The following APOLD1 variants were observed in gnomAD, a reference collection of about 807,000 sequenced individuals.
APOLD1 encodes the protein apolipoprotein L domain-containing protein 1.
A neutral mutation model predicts 15.3 loss-of-function variants in APOLD1; 22 were observed. The ratio of observed to expected loss-of-function variants is 1.44; its 90% CI spans 1.03 to 2.05. The LOEUF (loss-of-function observed/expected upper bound fraction) is 2.05. Ranked by LOEUF, APOLD1 falls within the 30% of genes most tolerant of loss-of-function variation. The pLI, the probability that APOLD1 is intolerant of heterozygous loss-of-function variation, is 0.00. For synonymous variants in APOLD1, 190 were observed against 167.4 expected, an observed-to-expected ratio of 1.13 and a Z score of -1.04; for missense variants, 394 against 353.5, an observed-to-expected ratio of 1.11 and a Z score of -0.92.
intron 1 of APOLD1, among the ~76,000 whole-genome samples, chr12:12,761,830 T>TAGAGAG (rs6144616): frequency 0.074 from 8,435 of 114,544 alleles, 466 homozygotes; most frequent in African/African-American, 0.1. Context: ...TGTATATGTA[T>TAGAGAG]AGAGAGAGAG....
intron 1 of APOLD1, among the ~76,000 whole-genome samples, chr12:12,775,865 G>T (rs1041415398): frequency 6.6e-6 from 1 of 151,856 alleles, no homozygotes; most frequent in African/African-American, 2.4e-5. Context: ...TTAGCTGGGT[G>T]TGGGGGTGTG....
chr12:12,761,874 C>T (rs559608129), intron 1 of APOLD1, among the ~76,000 whole-genome samples: 1 of 72,598 alleles, frequency 1.4e-5, no homozygotes, highest in South Asian at 4.2e-4. Context: ...CTTGCTCTGT[C>T]ACCCAGGCCT....
intron 1 of APOLD1, among the ~76,000 whole-genome samples, chr12:12,760,311 G>A (rs1266454921): frequency 6.9e-6 from 1 of 144,704 alleles, no homozygotes; most frequent in Non-Finnish European, 1.5e-5. Context: ...GGGTGACACA[G>A]TGAGACCCGG....
intron 1 of APOLD1, among the ~76,000 whole-genome samples, chr12:12,743,689 T>C (rs1354808991): frequency 6.6e-6 from 1 of 152,194 alleles, no homozygotes; most frequent in African/African-American, 2.4e-5. Context: ...GCAAATGGAA[T>C]TGTTTGCTGA....
chr12:12,774,301 T>G (rs985247369), intron 1 of APOLD1, among the ~76,000 whole-genome samples: 1 of 151,760 alleles, frequency 6.6e-6, no homozygotes, highest in African/African-American at 2.4e-5. Flanking sequence ...TCCTAGCACT[T>G]TGGGAGGCCG....
Position 12,785,683 on chromosome 12 carries a change from C to T in APOLD1, c.-9C>T. On this transcript the variant is annotated 5_prime_UTR_variant, in exon 1 of 2. Transcript: ENST00000356591. Reference sequence around the variant, plus strand: ...CAGATTTTACTTTCCTGGAGGCAGACAGAAGTGAATGGTAAGTGGGGAACC... The same window carrying T: ...CAGATTTTACTTTCCTGGAGGCAGATAGAAGTGAATGGTAAGTGGGGAACC... 3 of 1,614,092 alleles carry T rather than the reference C, an allele frequency of 1.9e-6. No individual in the cohort carries two copies. In the East Asian group the frequency reaches 6.7e-5, roughly 36 times the overall value.
At chr12:12,743,798 G>C (rs879298087) in intron 1 of APOLD1, among the ~76,000 whole-genome samples, 68 of 152,222 alleles carry the variant, frequency 4.5e-4, no homozygotes, top group Non-Finnish European at 9.3e-4. Flanking sequence ...GCAGAAGAGG[G>C]ATTCAGAGTG....
intron 1 of APOLD1, 62 bp downstream of exon 1, chr12:12,785,756 T>A: frequency 1.3e-6 from 2 of 1,495,732 alleles, no homozygotes; most frequent in Non-Finnish European, 1.9e-6. Context: ...TCTTTTCACC[T>A]GGAAAATTAT....
upstream of APOLD1, among the ~76,000 whole-genome samples, chr12:12,781,922 C>T (rs1272544361): frequency 6.6e-6 from 1 of 152,036 alleles, no homozygotes; most frequent in Non-Finnish European, 1.5e-5. Context: ...GTCCTTTCCG[C>T]TAGACTTACT....
At chr12:12,730,327 T>C (rs1157983339) in intron 1 of APOLD1, among the ~76,000 whole-genome samples, 1 of 152,180 alleles carries the variant, frequency 6.6e-6, no homozygotes, top group Admixed American at 6.5e-5. Flanking sequence ...TCTGGAATCC[T>C]ACTGCCTGGG....
intron 1 of APOLD1, among the ~76,000 whole-genome samples, chr12:12,742,622 G>A (rs1385374234): frequency 6.6e-6 from 1 of 152,182 alleles, no homozygotes; most frequent in African/African-American, 2.4e-5. Flanking sequence ...AAAATTAGCT[G>A]GGTGTGGTGG....
At chr12:12,751,939 GT>G (rs546794285) in intron 1 of APOLD1, among the ~76,000 whole-genome samples, 11 of 152,160 alleles carry the variant, frequency 7.2e-5, no homozygotes, top group Non-Finnish European at 1.6e-4. Flanking sequence ...GGAAGAAGCC[GT>G]AAGTCAAGGA....
At chr12:12,746,560 G>A (rs887461272) in intron 1 of APOLD1, among the ~76,000 whole-genome samples, 1 of 150,008 alleles carries the variant, frequency 6.7e-6, no homozygotes, top group Non-Finnish European at 1.5e-5. Flanking sequence ...GTGAACATGT[G>A]CATGACTACG....
intron 1 of APOLD1, among the ~76,000 whole-genome samples, chr12:12,764,160 G>A (rs777992607): frequency 7.2e-5 from 11 of 151,998 alleles, no homozygotes; most frequent in Non-Finnish European, 1.6e-4. Flanking sequence ...ACAGGGTTTC[G>A]CCATGTTGGG....
intron 1 of APOLD1, among the ~76,000 whole-genome samples, chr12:12,750,394 A>AAAAAT (rs71064320): frequency 1.4e-5 from 2 of 147,984 alleles, no homozygotes; most frequent in Non-Finnish European, 3.0e-5. Context: ...AAAAAAAAAA[A>AAAAAT]GGAAATTGGG....
chr12:12,727,802 G>C (rs190894895), intron 1 of APOLD1, among the ~76,000 whole-genome samples: 24 of 143,172 alleles, frequency 1.7e-4, no homozygotes, highest in African/African-American at 6.0e-4. Context: ...GTCTTGCTGC[G>C]TTGCCCAGGC....
chr12:12,757,507 T>C (rs917461824), intron 1 of APOLD1, among the ~76,000 whole-genome samples: 3 of 152,166 alleles, frequency 2.0e-5, no homozygotes, highest in African/African-American at 7.2e-5. Flanking sequence ...CACAGATTCA[T>C]AAAACTATGA....
chr12:12,729,365 C>A (rs539077941), intron 1 of APOLD1, among the ~76,000 whole-genome samples: 2 of 149,962 alleles, frequency 1.3e-5, no homozygotes, highest in African/African-American at 4.9e-5. Flanking sequence ...TTAAAAAAAT[C>A]TCAGAGTTGG....
chr12:12,740,679 G>T (rs1431375974), intron 1 of APOLD1, among the ~76,000 whole-genome samples: 2 of 152,130 alleles, frequency 1.3e-5, no homozygotes, highest in Non-Finnish European at 2.9e-5. Flanking sequence ...AAATTTCAAG[G>T]TCCCTCCAGG....
Sources: gnomAD v4.1 joint callset for allele counts (sites outside exome capture counted in the v4.1 genomes callset) on GRCh38, gnomAD v4.1.1 for gene constraint, MANE v1.5 for transcripts, NCBI Gene and HGNC (gene_info 2026-07-23, HGNC 2026-07-21) for gene names.